SEMA3E: variants seen among roughly 807,000 people sequenced by gnomAD.
The protein encoded by SEMA3E is semaphorin-3E.
Under a neutral mutation model 93.6 loss-of-function variants are expected in SEMA3E, and 49 were observed. The ratio of observed to expected loss-of-function variants is 0.52; its 90% CI spans 0.42 to 0.66. The LOEUF (loss-of-function observed/expected upper bound fraction) is 0.66, where lower values mean the gene tolerates loss of function less well. Ranked by LOEUF, SEMA3E falls within the 30% of genes least tolerant of loss-of-function variation. The pLI, the probability that SEMA3E is intolerant of heterozygous loss-of-function variation, is 0.00. For missense variants in SEMA3E, 906 were observed against 964.8 expected, an observed-to-expected ratio of 0.94 and a Z score of 0.81; for synonymous variants, 363 against 330.7, an observed-to-expected ratio of 1.10 and a Z score of -1.06.
At chr7:83,508,502 T>A (rs1344413629) in intron 1 of SEMA3E, among the ~76,000 whole-genome samples, 1 of 152,146 alleles carries the variant, frequency 6.6e-6, no homozygotes, top group East Asian at 1.9e-4. Flanking sequence ...CCTCAGGTGA[T>A]CTGCCCACCT....
At chr7:83,448,942 C>T (rs566682604) in intron 4 of SEMA3E, among the ~76,000 whole-genome samples, 24 of 152,180 alleles carry the variant, frequency 1.6e-4, no homozygotes, top group Admixed American at 3.3e-4. Flanking sequence ...GTTACAATTA[C>T]GTCTCAAAGC....
intron 1 of SEMA3E, among the ~76,000 whole-genome samples, chr7:83,502,542 A>G (rs1012402834): frequency 1.3e-5 from 2 of 152,038 alleles, no homozygotes; most frequent in African/African-American, 4.8e-5. Context: ...TCTCATCTGG[A>G]TCTTCACTCT....
At chr7:83,575,858 T>G (rs981170090) in intron 1 of SEMA3E, among the ~76,000 whole-genome samples, 2 of 151,888 alleles carry the variant, frequency 1.3e-5, no homozygotes, top group Non-Finnish European at 2.9e-5. Flanking sequence ...ACCGTCAGAG[T>G]ATAATTGCAT....
At chr7:83,452,141 GT>G (rs1789374489) in intron 4 of SEMA3E, among the ~76,000 whole-genome samples, 1 of 152,066 alleles carries the variant, frequency 6.6e-6, no homozygotes, top group East Asian at 1.9e-4. Context: ...ATGTGTGTGT[GT>G]GTGTGTCTGT....
intron 6 of SEMA3E, among the ~76,000 whole-genome samples, chr7:83,407,959 TTCC>T (rs1788359841): frequency 6.6e-6 from 1 of 152,132 alleles, no homozygotes; most frequent in African/African-American, 2.4e-5. Context: ...TCTAGTGACT[TTCC>T]TAGAGTTTTG....
chr7:83,602,134 A>G (rs529467598), intron 1 of SEMA3E, among the ~76,000 whole-genome samples: 4 of 152,268 alleles, frequency 2.6e-5, no homozygotes, highest in African/African-American at 9.6e-5. Flanking sequence ...TACCTGGGGA[A>G]TGAGATGGGT....
chr7:83,381,703 G>GA (rs1317654384), intron 16 of SEMA3E, among the ~76,000 whole-genome samples: 3 of 151,874 alleles, frequency 2.0e-5, no homozygotes, highest in East Asian at 1.9e-4. Flanking sequence ...TTCTTTTAGT[G>GA]AAAAAACACC....
chr7:83,565,561 T>C (rs1453333324), intron 1 of SEMA3E, among the ~76,000 whole-genome samples: 3 of 152,212 alleles, frequency 2.0e-5, no homozygotes, highest in Non-Finnish European at 4.4e-5. Flanking sequence ...ATTCAGAATA[T>C]ATCCTTGAAT....
chr7:83,391,229 A>G (rs1788011733), intron 14 of SEMA3E, among the ~76,000 whole-genome samples: 1 of 152,132 alleles, frequency 6.6e-6, no homozygotes, highest in Admixed American at 6.6e-5. Flanking sequence ...TTATTTTGAG[A>G]ATTAAATAAA....
intron 4 of SEMA3E, among the ~76,000 whole-genome samples, chr7:83,429,164 A>T (rs1450486013): frequency 6.6e-6 from 1 of 152,228 alleles, no homozygotes; most frequent in Non-Finnish European, 1.5e-5. Flanking sequence ...ATACCATTGG[A>T]ATAGCTGGCA....
intron 1 of SEMA3E, among the ~76,000 whole-genome samples, chr7:83,600,485 A>AATT: frequency 5.0e-5 from 4 of 80,492 alleles, no homozygotes; most frequent in Admixed American, 1.5e-4. Context: ...ACGCCCAGCT[A>AATT]ATTTTTTTTT....
intron 16 of SEMA3E, among the ~76,000 whole-genome samples, chr7:83,369,445 T>C (rs761563194): frequency 3.3e-5 from 5 of 152,148 alleles, no homozygotes; most frequent in Non-Finnish European, 7.3e-5. Context: ...GAAATAGGGA[T>C]GTTATTTTTA....
chr7:83,446,334 C>T (rs536853229), intron 4 of SEMA3E, among the ~76,000 whole-genome samples: 2 of 152,296 alleles, frequency 1.3e-5, no homozygotes, highest in South Asian at 2.1e-4. Context: ...ACAATTGTCT[C>T]TAATGATATT....
intron 1 of SEMA3E, among the ~76,000 whole-genome samples, chr7:83,499,028 TTTTC>T (rs79661485): frequency 0.31 from 46,744 of 151,848 alleles, 7,790 homozygotes; most frequent in Middle Eastern, 0.47. Context: ...ATATAAACCT[TTTTC>T]TTTACCTTTC....
chr7:83,553,926 T>A (rs183473021), intron 1 of SEMA3E, among the ~76,000 whole-genome samples: 1 of 152,272 alleles, frequency 6.6e-6, no homozygotes, highest in Admixed American at 6.5e-5. Context: ...TACTCACCTA[T>A]CATTCAAATC....
At chr7:83,378,686 C>T (rs762348415) in intron 16 of SEMA3E, among the ~76,000 whole-genome samples, 4 of 151,812 alleles carry the variant, frequency 2.6e-5, no homozygotes, top group African/African-American at 4.8e-5. Context: ...TATCCAATTC[C>T]TTTTTTCCTG....
At position 83,365,172 on chromosome 7, in the gene SEMA3E, G is replaced by C. The variant is rs539566200; in HGVS notation, c.*2414C>G. ...GTGTGTGTGTGTGTTGGGAGAGAGAGGGAGAAACTGAGAAAATGGTGGGAC... is the reference window on the plus strand; with the variant it reads ...GTGTGTGTGTGTGTTGGGAGAGAGACGGAGAAACTGAGAAAATGGTGGGAC... On this transcript the variant is annotated 3_prime_UTR_variant, in exon 17 of 17. Coordinates refer to ENST00000643230, the MANE Select transcript of SEMA3E (RefSeq NM_012431.3). The C allele has an allele frequency of 1.3e-3, 197 of 152,058 alleles. No individual in the cohort carries two copies. The highest frequency in any genetic ancestry group is 4.6e-3 in the African/African-American group (190 of 41,484). 9.4% of individuals were successfully genotyped at this position (152,058 alleles called of 1,614,324 possible).
chr7:83,618,550 C>T (rs150530493), intron 1 of SEMA3E, among the ~76,000 whole-genome samples: 16 of 152,022 alleles, frequency 1.1e-4, no homozygotes, highest in African/African-American at 3.9e-4. Context: ...AAGTCTGTTG[C>T]CTCAAGGTTA....
intron 13 of SEMA3E, 42 bp downstream of exon 13, chr7:83,394,255 A>G (rs369427298): frequency 2.5e-5 from 37 of 1,506,638 alleles, no homozygotes; most frequent in Non-Finnish European, 3.2e-5. Context: ...TAGCTCACAT[A>G]TAGAACACAC....
Sources: gnomAD v4.1 joint callset for allele counts (sites outside exome capture counted in the v4.1 genomes callset) on GRCh38, gnomAD v4.1.1 for gene constraint, MANE v1.5 for transcripts, NCBI Gene and HGNC (gene_info 2026-07-23, HGNC 2026-07-21) for gene names.